Variants in COLGALT2 observed in about 807,000 individuals in gnomAD.
The protein encoded by COLGALT2 is procollagen galactosyltransferase 2.
Under a neutral mutation model 73.4 loss-of-function variants are expected in COLGALT2, and 49 were observed. The ratio of observed to expected loss-of-function variants is 0.67; its 90% CI spans 0.53 to 0.85. The LOEUF is 0.85. Among genes scored for constraint, COLGALT2 ranks in the 40% least tolerant of loss-of-function variants. The probability of loss-of-function intolerance (pLI) is 0.00; values close to 1 mark genes in which losing one functional copy is unlikely to be tolerated. For synonymous variants in COLGALT2, 295 were observed against 307.6 expected, an observed-to-expected ratio of 0.96 and a Z score of 0.43; for missense variants, 722 against 790.2, an observed-to-expected ratio of 0.91 and a Z score of 1.03.
chr1:184,013,799 G>A (rs74563985), intron 1 of COLGALT2, among the ~76,000 whole-genome samples: 2,226 of 152,142 alleles, frequency 0.015, 20 homozygotes, highest in Middle Eastern at 0.058. Context: ...GGGAGATGGC[G>A]GTGACTTGAA....
chr1:183,995,638 AT>A lies in COLGALT2; in HGVS notation c.264-17119del, dbSNP rs568774011. On this transcript the variant is annotated intron_variant, in intron 1 of 11. Transcript: ENST00000361927. ...GTATGTTTGCTTCCAGCGGGTGTGT[AT>A]TTTTTTTTTCTTTTTTTGGTTTGAC... Among the ~76,000 whole-genome samples, 43 of 148,388 alleles carry A rather than the reference AT, an allele frequency of 2.9e-4. 1 individual carries two copies. Among genetic ancestry groups the A allele is most frequent in the Middle Eastern group, 3.4e-3 (1 of 292 alleles).
At chr1:184,013,898 A>T (rs1479330724) in intron 1 of COLGALT2, among the ~76,000 whole-genome samples, 3 of 152,206 alleles carry the variant, frequency 2.0e-5, no homozygotes, top group Admixed American at 2.0e-4. Context: ...TAATAACTTG[A>T]TATGGATGAT....
At chr1:183,955,735 T>A (rs772271956) in intron 6 of COLGALT2, among the ~76,000 whole-genome samples, 1 of 152,220 alleles carries the variant, frequency 6.6e-6, no homozygotes, top group Non-Finnish European at 1.5e-5. Flanking sequence ...CTCATTTGAT[T>A]TTCCTTAAAG....
At position 183,995,169 on chromosome 1, in the gene COLGALT2, C is replaced by T. The variant is rs115884003; in HGVS notation, c.264-16649G>A. Among the ~76,000 whole-genome samples the T allele has an allele frequency of 1.4e-3, 216 of 152,212 alleles. 1 individual carries two copies. Among genetic ancestry groups the T allele is most frequent in the African/African-American group, 4.3e-3 (177 of 41,532 alleles). On this transcript the variant is annotated intron_variant, in intron 1 of 11. Transcript: ENST00000361927. ...TTTCTGAATACATAAAATTTCCAAA[C>T]TTGTAGCAAGAAAATTGCAAATGTA...
rs971383860 is a variant in COLGALT2, at chr1:183,936,743, T to G, written c.*2018A>C. ...TCCCCAGATGCTCTTTCTGTTTTTC[T>G]GGGGGTGGGTGGGAAAGGAAGTCAC... On this transcript the variant is annotated 3_prime_UTR_variant, in exon 12 of 12. Coordinates refer to ENST00000361927, the MANE Select transcript of COLGALT2 (RefSeq NM_015101.4). 8 of 1,230,700 alleles carry G rather than the reference T, an allele frequency of 6.5e-6. No homozygotes were observed. The African/African-American group carries it at 1.2e-4, about 19-fold the overall frequency. The allele number at this position is 1,230,700 out of a possible 1,614,324, so 76.2% of individuals were successfully genotyped here.
At chr1:184,007,742 T>C (rs1469776487) in intron 1 of COLGALT2, among the ~76,000 whole-genome samples, 1 of 152,166 alleles carries the variant, frequency 6.6e-6, no homozygotes, top group Non-Finnish European at 1.5e-5. Flanking sequence ...ACAGTGGCCA[T>C]GGCCCCCAGG....
chr1:184,021,175 C>G (rs919370041), intron 1 of COLGALT2, among the ~76,000 whole-genome samples: 3 of 152,042 alleles, frequency 2.0e-5, no homozygotes, highest in African/African-American at 7.2e-5. Flanking sequence ...AAAAAGCAAG[C>G]CTTTGAGGTT....
intron 1 of COLGALT2, among the ~76,000 whole-genome samples, chr1:184,019,124 A>G (rs1247696903): frequency 6.6e-6 from 1 of 152,128 alleles, no homozygotes; most frequent in East Asian, 1.9e-4. Context: ...ATAGCAACTC[A>G]CTTCTTGGTT....
chr1:183,960,391 G>T (rs1222227765), intron 6 of COLGALT2, among the ~76,000 whole-genome samples: 1 of 152,086 alleles, frequency 6.6e-6, no homozygotes, highest in Non-Finnish European at 1.5e-5. Context: ...GAACGATTAG[G>T]ACTTGAGGCT....
intron 1 of COLGALT2, among the ~76,000 whole-genome samples, chr1:184,004,702 G>C (rs1015918053): frequency 2.0e-5 from 3 of 152,132 alleles, no homozygotes; most frequent in Non-Finnish European, 4.4e-5. Flanking sequence ...TAATGTTCTG[G>C]TAATTTTGTA....
chr1:183,938,535 A>G lies in COLGALT2; in HGVS notation c.*226T>C, dbSNP rs1445098841. 7.1e-7 allele frequency: 1 copy of G among 1,403,486 alleles called. No individual in the cohort carries two copies. The highest frequency in any genetic ancestry group is 1.4e-5 in the African/African-American group (1 of 69,218). The allele number at this position is 1,403,486 out of a possible 1,614,324, so 86.9% of individuals were successfully genotyped here. On this transcript the variant is annotated 3_prime_UTR_variant, in exon 12 of 12. Transcript: ENST00000361927. ...ATTACAGTTTATCTTAACAGTTTCC[A>G]AAAAACCTGTCTTTCAGCCGTCTTG...
intron 6 of COLGALT2, among the ~76,000 whole-genome samples, chr1:183,955,653 C>A (rs1670532666): frequency 6.6e-6 from 1 of 151,954 alleles, no homozygotes; most frequent in African/African-American, 2.4e-5. Flanking sequence ...CTGAAAAGGC[C>A]TTGAAGAATG....
At chr1:183,986,410 C>T (rs1355726546) in intron 1 of COLGALT2, among the ~76,000 whole-genome samples, 1 of 152,100 alleles carries the variant, frequency 6.6e-6, no homozygotes, top group Non-Finnish European at 1.5e-5. Context: ...CTCAGTATGC[C>T]CCATTTCATC....
intron 1 of COLGALT2, among the ~76,000 whole-genome samples, chr1:183,989,723 A>T (rs2102828856): frequency 6.6e-6 from 1 of 152,356 alleles, no homozygotes; most frequent in East Asian, 1.9e-4. Flanking sequence ...TCAAATAAAA[A>T]GTATGAAGTC....
chr1:183,944,339 G>T lies in COLGALT2; in HGVS notation c.1270-16C>A. Reference sequence around the variant, plus strand: ...GATCAATTACCTGCAAAAGTCATCAGTAGGAAGATACCCTATGAAAAGTTT... The same window carrying T: ...GATCAATTACCTGCAAAAGTCATCATTAGGAAGATACCCTATGAAAAGTTT... On this transcript the variant is annotated splice_polypyrimidine_tract_variant and intron_variant, in intron 9 of 11. Coordinates refer to ENST00000361927, the MANE Select transcript of COLGALT2 (RefSeq NM_015101.4). 1 of 1,605,972 alleles carries T rather than the reference G, an allele frequency of 6.2e-7. No individual in the cohort carries two copies. Among genetic ancestry groups the T allele is most frequent in the Non-Finnish European group, 8.5e-7 (1 of 1,177,610 alleles).
At chr1:184,007,332 T>C (rs985335368) in intron 1 of COLGALT2, among the ~76,000 whole-genome samples, 1 of 152,328 alleles carries the variant, frequency 6.6e-6, no homozygotes, top group East Asian at 1.9e-4. Context: ...TCACAAGAGA[T>C]AAACATCTAT....
intron 1 of COLGALT2, among the ~76,000 whole-genome samples, chr1:184,019,539 T>C (rs1414920635): frequency 6.6e-6 from 1 of 152,212 alleles, no homozygotes; most frequent in African/African-American, 2.4e-5. Flanking sequence ...CACATTTTTA[T>C]GTTTGGTGGC....
At chr1:183,964,221 A>T in intron 5 of COLGALT2, 1 of 473,234 alleles carries the variant, frequency 2.1e-6, no homozygotes, top group Non-Finnish European at 3.7e-6. Flanking sequence ...TAATAAAAAC[A>T]CTCGGCTATT....
intron 1 of COLGALT2, among the ~76,000 whole-genome samples, chr1:184,027,255 A>G (rs1280447846): frequency 1.3e-5 from 2 of 152,204 alleles, no homozygotes; most frequent in East Asian, 1.9e-4. Flanking sequence ...GAGTATGCCA[A>G]CTTTCCAAAC....
Sources: allele counts gnomAD v4.1 joint callset (sites outside exome capture counted in the v4.1 genomes callset), GRCh38; gene constraint gnomAD v4.1.1; transcripts MANE v1.5; gene names NCBI Gene and HGNC (gene_info 2026-07-23, HGNC 2026-07-21).